TCF4: variants seen among roughly 807,000 people sequenced by gnomAD.
The protein encoded by TCF4 is transcription factor 4.
Under a neutral mutation model 82.1 loss-of-function variants are expected in TCF4, and 3 were observed. The ratio of observed to expected loss-of-function variants is 0.04; its 90% CI spans 0.02 to 0.09. The LOEUF is 0.09. Ranked by LOEUF, TCF4 falls within the 10% of genes least tolerant of loss-of-function variation. The pLI is 1.00. For missense variants in TCF4, 518 were observed against 852.7 expected, an observed-to-expected ratio of 0.61 and a Z score of 4.89; for synonymous variants, 276 against 309.6, an observed-to-expected ratio of 0.89 and a Z score of 1.14.
At chr18:55,242,956 A>G (rs2051798363) in intron 15 of TCF4, among the ~76,000 whole-genome samples, 1 of 152,194 alleles carries the variant, frequency 6.6e-6, no homozygotes, top group African/African-American at 2.4e-5. Context: ...ACAAGGCAAA[A>G]TACGATGAAT....
At chr18:55,248,549 T>C (rs554862874) in intron 15 of TCF4, among the ~76,000 whole-genome samples, 3 of 152,338 alleles carry the variant, frequency 2.0e-5, no homozygotes, top group Admixed American at 6.5e-5. Flanking sequence ...TAGAGCTAAA[T>C]AGCAACTCAT....
chr18:55,455,206 AAAG>A (rs1192261418), intron 5 of TCF4, among the ~76,000 whole-genome samples: 3 of 150,046 alleles, frequency 2.0e-5, no homozygotes, highest in Non-Finnish European at 3.0e-5. Flanking sequence ...AAAAAAAAGA[AAAG>A]AAAAAGAAGA....
intron 8 of TCF4, among the ~76,000 whole-genome samples, chr18:55,315,137 A>G (rs2073778263): frequency 6.6e-6 from 1 of 151,826 alleles, no homozygotes; most frequent in African/African-American, 2.4e-5. Context: ...CAAAGCCTGC[A>G]TTTTTTTTGG....
chr18:55,596,371 CT>C (rs1252212822), intron 2 of TCF4: 1 of 224,118 alleles, frequency 4.5e-6, no homozygotes, highest in East Asian at 1.7e-4. Context: ...AACCTTGGAT[CT>C]GTACCTCTAA....
intron 2 of TCF4, among the ~76,000 whole-genome samples, chr18:55,604,476 G>T (rs920894104): frequency 6.6e-6 from 1 of 152,158 alleles, no homozygotes; most frequent in African/African-American, 2.4e-5. Context: ...AGTGCAAGAG[G>T]CCTGCTTGGA....
At chr18:55,609,812 G>C (rs2097705494) in intron 2 of TCF4, among the ~76,000 whole-genome samples, 1 of 151,990 alleles carries the variant, frequency 6.6e-6, no homozygotes, top group Non-Finnish European at 1.5e-5. Flanking sequence ...TATCTGCAGG[G>C]CTCCTTTTCC....
intron 5 of TCF4, among the ~76,000 whole-genome samples, chr18:55,414,564 T>C (rs2094462106): frequency 6.6e-6 from 1 of 152,178 alleles, no homozygotes; most frequent in African/African-American, 2.4e-5. Flanking sequence ...ACTAAATTAT[T>C]ATAAAGACTT....
At chr18:55,363,311 A>T (rs183261417) in intron 6 of TCF4, among the ~76,000 whole-genome samples, 1 of 152,178 alleles carries the variant, frequency 6.6e-6, no homozygotes, top group African/African-American at 2.4e-5. Context: ...TGGTAACTAA[A>T]GTTTGTTTAG....
intron 6 of TCF4, among the ~76,000 whole-genome samples, chr18:55,360,973 C>T (rs1046042466): frequency 6.6e-6 from 1 of 152,122 alleles, no homozygotes; most frequent in African/African-American, 2.4e-5. Flanking sequence ...GATCCACCCG[C>T]GCTGGCCTCC....
At chr18:55,523,139 A>G (rs1222948025) in intron 3 of TCF4, among the ~76,000 whole-genome samples, 1 of 152,064 alleles carries the variant, frequency 6.6e-6, no homozygotes, top group East Asian at 1.9e-4. Context: ...AACTGCCAAA[A>G]TAACTTCAGA....
At chr18:55,393,492 T>C (rs1045372011) in intron 6 of TCF4, among the ~76,000 whole-genome samples, 3 of 152,222 alleles carry the variant, frequency 2.0e-5, no homozygotes, top group Admixed American at 1.3e-4. Context: ...GATGATCAAA[T>C]GGATCTCAAA....
rs192872434 is a variant in TCF4, at chr18:55,275,273, T to C, written c.789+346A>G. Among the ~76,000 whole-genome samples, 243 of 27,828 alleles carry C rather than the reference T, an allele frequency of 8.7e-3. 2 individuals are homozygous for C. The highest frequency in any genetic ancestry group is 0.036 in the African/African-American group (231 of 6,438). The allele number at this position is 27,828 out of a possible 152,430, so 18.3% of individuals were successfully genotyped here. A position where few individuals can be genotyped will look rare whatever the true frequency, so the allele number is the denominator to read the frequency against. ...GCAGTACATCTTTTGAAACTACAGA[T>C]AGAAAAAAAAAAAAAAAAAAAAAAA... is the stretch of plus-strand genomic sequence containing the variant. On this transcript the variant is annotated intron_variant, in intron 10 of 19. Transcript: ENST00000354452.
chr18:55,472,972 C>T (rs1195946167), intron 3 of TCF4, among the ~76,000 whole-genome samples: 1 of 152,080 alleles, frequency 6.6e-6, no homozygotes, highest in African/African-American at 2.4e-5. Flanking sequence ...GCTTCATTTC[C>T]TAATAAAACT....
intron 3 of TCF4, among the ~76,000 whole-genome samples, chr18:55,536,306 C>T (rs1462296984): frequency 6.6e-6 from 1 of 152,070 alleles, no homozygotes; most frequent in Non-Finnish European, 1.5e-5. Flanking sequence ...AACAAAATTC[C>T]TCCAATAGTC....
intron 3 of TCF4, among the ~76,000 whole-genome samples, chr18:55,543,975 T>G (rs561654823): frequency 6.6e-6 from 1 of 152,148 alleles, no homozygotes; most frequent in Non-Finnish European, 1.5e-5. Flanking sequence ...CCACATTTTT[T>G]AAAAGAATCA....
At chr18:55,433,744 A>G (rs1195448371) in intron 5 of TCF4, among the ~76,000 whole-genome samples, 1 of 152,206 alleles carries the variant, frequency 6.6e-6, no homozygotes. Context: ...GAGGGAAACT[A>G]TATCACATTA....
intron 11 of TCF4, 122 bp downstream of exon 11, chr18:55,269,709 C>A: frequency 7.9e-7 from 1 of 1,266,568 alleles, no homozygotes; most frequent in East Asian, 2.4e-5. Flanking sequence ...TGTGTTCATT[C>A]TGTCATGTGA....
chr18:55,283,193 T>C (rs2062971280), intron 8 of TCF4, among the ~76,000 whole-genome samples: 1 of 151,884 alleles, frequency 6.6e-6, no homozygotes, highest in Non-Finnish European at 1.5e-5. Context: ...AGATTTAATT[T>C]TTTTTTTTTT....
At position 55,225,670 on chromosome 18, in the gene TCF4, A is replaced by T. The variant is rs938924337; in HGVS notation, c.*2365T>A. Reference sequence around the variant, plus strand: ...TTTCATTATTCAGGGAGGAGGAGAGAGTATACATTATTGTCTTCCATGTCC... The same window carrying T: ...TTTCATTATTCAGGGAGGAGGAGAGTGTATACATTATTGTCTTCCATGTCC... On this transcript the variant is annotated 3_prime_UTR_variant, in exon 20 of 20. Transcript: ENST00000354452. The T allele has an allele frequency of 2.0e-5, 3 of 152,530 alleles. No individual in the cohort carries two copies. The highest frequency in any genetic ancestry group is 4.4e-5 in the Non-Finnish European group (3 of 67,984). The allele number at this position is 152,530 out of a possible 1,614,324, so 9.4% of individuals were successfully genotyped here.
Sources: gnomAD v4.1 joint callset for allele counts (sites outside exome capture counted in the v4.1 genomes callset) on GRCh38, gnomAD v4.1.1 for gene constraint, MANE v1.5 for transcripts, NCBI Gene and HGNC (gene_info 2026-07-23, HGNC 2026-07-21) for gene names.